RB1CC1: variants seen among roughly 807,000 people sequenced by gnomAD.
The protein encoded by RB1CC1 is RB1 inducible coiled-coil 1.
RB1CC1 carries 46 observed loss-of-function variants against 177.5 expected under a neutral mutation model. That is an observed-to-expected ratio of 0.26 (90% CI 0.20 to 0.33). The LOEUF (loss-of-function observed/expected upper bound fraction) is 0.33, where lower values mean the gene tolerates loss of function less well. RB1CC1 is among the 10% of genes least tolerant of loss of function. RB1CC1 has a pLI of 1.00. For synonymous variants in RB1CC1, 666 were observed against 613.6 expected (o/e 1.09, Z -1.26); for missense variants, 1,703 against 1,816.3 (o/e 0.94, Z 1.13).
At position 52,674,124 on chromosome 8, in the gene RB1CC1, C is replaced by G; in HGVS notation, c.723G>C (p.Val241=). The G allele has an allele frequency of 6.2e-7, 1 of 1,614,134 alleles. No homozygotes were observed. Among genetic ancestry groups the G allele is most frequent in the Non-Finnish European group, 8.5e-7 (1 of 1,180,010 alleles). ...KAEMKRSTEL[V]LSPDMPRTTN... Reference sequence around the variant, plus strand: ...TTGTTCTAGGCATATCAGGAGAGAGCACCAGTTCAGTGGATCTTTTCATCT... The same window carrying G: ...TTGTTCTAGGCATATCAGGAGAGAGGACCAGTTCAGTGGATCTTTTCATCT... The change falls in exon 7 of 24, where the codon GTG becomes GTC. Residue 241 remains valine, a synonymous_variant. Coordinates refer to ENST00000025008, the MANE Select transcript of RB1CC1 (RefSeq NM_014781.5).
intron 5 of RB1CC1, among the ~76,000 whole-genome samples, chr8:52,678,863 CT>C (rs1853412895): frequency 6.6e-6 from 1 of 152,150 alleles, no homozygotes; most frequent in South Asian, 2.1e-4. Flanking sequence ...TTATCTTCAC[CT>C]GTTCTTAATT....
intron 23 of RB1CC1, 83 bp downstream of exon 23, chr8:52,624,634 C>T: frequency 1.8e-6 from 2 of 1,109,718 alleles, no homozygotes; most frequent in African/African-American, 1.6e-5. Context: ...CCAAGAACAG[C>T]AGTGGTAATG....
chr8:52,706,683 G>C (rs1856579803), intron 1 of RB1CC1, among the ~76,000 whole-genome samples: 1 of 150,320 alleles, frequency 6.7e-6, no homozygotes, highest in African/African-American at 2.5e-5. Context: ...AGTAAGCCGA[G>C]ATCTCGCCAC....
intron 13 of RB1CC1, 90 bp from the exon 14 acceptor site, chr8:52,658,214 C>T: frequency 7.6e-7 from 1 of 1,308,664 alleles, no homozygotes; most frequent in Non-Finnish European, 1.0e-6. Flanking sequence ...TCAAAAATAA[C>T]AAGAGCCTTA....
chr8:52,656,380 A>T lies in RB1CC1; in HGVS notation c.3449T>A (p.Ile1150Lys). The T allele has an allele frequency of 6.2e-7, 1 of 1,610,492 alleles. No homozygotes were observed. The highest frequency in any genetic ancestry group is 8.5e-7 in the Non-Finnish European group (1 of 1,179,058). Residue 1150 changes from isoleucine (I) to lysine (K), a missense_variant, in exon 15 of 24, where the codon ATA becomes AAA. Coordinates refer to ENST00000025008, the MANE Select transcript of RB1CC1 (RefSeq NM_014781.5). The part of the protein sequence containing the change: ...LISRHEEESN[I>K]LKAELNKVTS... ...TACTTTGTTTAATTCAGCTTTAAGTATATTAGATTCTTCTTCATGTCTACT... is the reference window on the plus strand; with the variant it reads ...TACTTTGTTTAATTCAGCTTTAAGTTTATTAGATTCTTCTTCATGTCTACT...
Position 52,628,152 on chromosome 8 carries a change from A to C in RB1CC1, c.4516T>G (p.Leu1506Val). The change falls in exon 22 of 24, where the codon TTG becomes GTG. Residue 1506 changes from leucine (L) to valine (V), a missense_variant. Transcript: ENST00000025008. ...CGTTCGTCTAGGATGATGAGTACCA[A>C]ATCTCCCACCTGAAAACTGAATAAA... ...IAIRDFQVGD[L>V]VLIILDERHD... The C allele has an allele frequency of 6.2e-7, 1 of 1,608,832 alleles. No individual in the cohort carries two copies. Among genetic ancestry groups the C allele is most frequent in the Non-Finnish European group, 8.5e-7 (1 of 1,176,858 alleles).
chr8:52,675,528 T>A (rs1310995146), intron 6 of RB1CC1, among the ~76,000 whole-genome samples: 1 of 151,982 alleles, frequency 6.6e-6, no homozygotes, highest in Admixed American at 6.6e-5. Context: ...GTGTATTAAA[T>A]GTACTTCTAT....
intron 6 of RB1CC1, 77 bp from the exon 7 acceptor site, chr8:52,674,351 ATAT>A (rs1297823626): frequency 2.4e-6 from 3 of 1,256,700 alleles, no homozygotes; most frequent in Admixed American, 1.9e-5. Flanking sequence ...ATGAAATCAC[ATAT>A]TATTATACAC....
At chr8:52,661,796 CT>C in intron 8 of RB1CC1, 77 bp from the exon 9 acceptor site, 1 of 1,157,272 alleles carries the variant, frequency 8.6e-7, no homozygotes, top group Admixed American at 3.0e-5. Context: ...AGTGGAAAAT[CT>C]TTATGTTAAA....
At chr8:52,660,514 G>C in intron 12 of RB1CC1, 82 bp downstream of exon 12, 1 of 1,297,296 alleles carries the variant, frequency 7.7e-7, no homozygotes, top group South Asian at 1.4e-5. Context: ...ATTTCTGCAA[G>C]TTTCTGATAA....
chr8:52,657,737 G>A lies in RB1CC1; in HGVS notation c.2092C>T (p.His698Tyr). Residue 698 changes from histidine (H) to tyrosine (Y), a missense_variant, in exon 15 of 24, where the codon CAT becomes TAT. His to Tyr is a moderately conservative substitution (Grantham distance 83). This residue lies in a region of RB1CC1 where 1,169 missense variants were observed against 1,184.7 expected (regional missense o/e 0.99). Transcript: ENST00000025008. Reference sequence around the variant, plus strand: ...GGAATAGTTTCAAAATCAAACGTATGTGCATCAATACTATCTGGAGATAAT... The same window carrying A: ...GGAATAGTTTCAAAATCAAACGTATATGCATCAATACTATCTGGAGATAAT... Reference protein sequence around the residue: ...EELSPDSIDAHTFDFETIPHP... With the variant: ...EELSPDSIDAYTFDFETIPHP... The A allele has an allele frequency of 6.2e-7, 1 of 1,614,024 alleles. No homozygotes were observed. Among genetic ancestry groups the A allele is most frequent in the South Asian group, 1.1e-5 (1 of 91,080 alleles).
intron 1 of RB1CC1, among the ~76,000 whole-genome samples, chr8:52,704,093 T>C (rs1392677638): frequency 6.6e-6 from 1 of 150,518 alleles, no homozygotes; most frequent in African/African-American, 2.5e-5. Flanking sequence ...TTGGTCACCC[T>C]GAAATAAAAA....
chr8:52,668,075 G>A lies in RB1CC1; in HGVS notation c.1119C>T (p.Asp373=), dbSNP rs1239292978. The change falls in exon 8 of 24, where the codon GAC becomes GAT. Residue 373 remains aspartate, a synonymous_variant. Transcript: ENST00000025008. ...GTCGGCCACAGCTAGCAATCATCTG[G>A]TCCAGGGCGTAGAGCCGATCTTCAA... The part of the protein sequence containing the change: ...KGLEDRLYAL[D]QMIASCGRLV... 5.6e-6 allele frequency: 9 copies of A among 1,613,978 alleles called. No individual in the cohort carries two copies. The highest frequency in any genetic ancestry group is 7.6e-6 in the Non-Finnish European group (9 of 1,180,010).
intron 9 of RB1CC1, 32 bp from the exon 10 acceptor site, chr8:52,661,313 C>T (rs1851602567): frequency 3.1e-6 from 5 of 1,601,772 alleles, no homozygotes; most frequent in East Asian, 2.2e-5. Flanking sequence ...TTTCAACATT[C>T]ACAAAACTGG....
chr8:52,628,250 C>T, intron 21 of RB1CC1, 82 bp from the exon 22 acceptor site: 3 of 1,278,304 alleles, frequency 2.3e-6, no homozygotes, highest in South Asian at 1.3e-5. Flanking sequence ...ATACTTAATG[C>T]TCAACTACAT....
chr8:52,685,224 G>A (rs1157319713), intron 3 of RB1CC1, among the ~76,000 whole-genome samples, 175 bp downstream of exon 3: 1 of 151,944 alleles, frequency 6.6e-6, no homozygotes, highest in Non-Finnish European at 1.5e-5. Flanking sequence ...GGATGGTCTC[G>A]ATCTTTCTTG....
chr8:52,710,174 T>A (rs1856930533), intron 1 of RB1CC1, among the ~76,000 whole-genome samples: 1 of 152,236 alleles, frequency 6.6e-6, no homozygotes, highest in Non-Finnish European at 1.5e-5. Flanking sequence ...AGATGTATTC[T>A]AATCTGATCC....
At position 52,657,157 on chromosome 8, in the gene RB1CC1, T is replaced by C. The variant is rs781212702; in HGVS notation, c.2672A>G (p.Lys891Arg). ...TAACTCTCCCTTCAATTTTTTAATT[T>C]TGTTTTCATTCTCTTCAGTTTCCTT... ...LIKETEENEN[K>R]IKKLKGELVC... Residue 891 changes from lysine to arginine, a missense_variant, in exon 15 of 24, where the codon AAA becomes AGA. Lys to Arg is a conservative substitution (Grantham distance 26). Around this residue, in one of 6 missense-constraint regions of RB1CC1, gnomAD observed 1,169 missense variants for 1,184.7 expected, o/e 0.99. Coordinates refer to ENST00000025008, the MANE Select transcript of RB1CC1 (RefSeq NM_014781.5). 5.6e-6 allele frequency: 9 copies of C among 1,609,426 alleles called. No individual in the cohort carries two copies. Among genetic ancestry groups the C allele is most frequent in the South Asian group, 5.5e-5 (5 of 90,772 alleles).
Position 52,656,674 on chromosome 8 carries a change from T to C in RB1CC1, c.3155A>G (p.Asp1052Gly), listed in dbSNP as rs747661656. The C allele has an allele frequency of 9.9e-6, 16 of 1,613,922 alleles. No individual in the cohort carries two copies. Among genetic ancestry groups the C allele is most frequent in the Middle Eastern group, 1.7e-4 (1 of 6,060 alleles). Residue 1052 changes from aspartate (D) to glycine (G), a missense_variant, in exon 15 of 24, where the codon GAT becomes GGT. Transcript: ENST00000025008. ...TAACTTGCATCTCGTGTCTGACAAATCAGAAACCTTGAGTTTTAATTCCTG... is the reference window on the plus strand; with the variant it reads ...TAACTTGCATCTCGTGTCTGACAAACCAGAAACCTTGAGTTTTAATTCCTG... The part of the protein sequence containing the change: ...QLQELKLKVS[D>G]LSDTRCKLEV...
Sources: gnomAD v4.1 joint callset for allele counts (sites outside exome capture counted in the v4.1 genomes callset) on GRCh38, gnomAD v4.1.1 for gene constraint, gnomAD v4.1.1 regional missense constraint, MANE v1.5 for transcripts, NCBI Gene and HGNC (gene_info 2026-07-23, HGNC 2026-07-21) for gene names.